The following ATP2B4 variants were observed in gnomAD, a reference collection of about 807,000 sequenced individuals.
ATP2B4 encodes plasma membrane calcium-transporting ATPase 4.
A neutral mutation model predicts 110.3 loss-of-function variants in ATP2B4; 39 were observed. The ratio of observed to expected loss-of-function variants is 0.35; its 90% CI spans 0.27 to 0.46. ATP2B4 has a LOEUF of 0.46. Among genes scored for constraint, ATP2B4 ranks in the 20% least tolerant of loss-of-function variants. The pLI is 1.00. For synonymous variants in ATP2B4, 538 were observed against 571.7 expected, an observed-to-expected ratio of 0.94 and a Z score of 0.84; for missense variants, 1,135 against 1,530.9, an observed-to-expected ratio of 0.74 and a Z score of 4.32.
chr1:203,638,282 G>A (rs1663520035), intron 1 of ATP2B4, among the ~76,000 whole-genome samples: 1 of 152,178 alleles, frequency 6.6e-6, no homozygotes. Context: ...CGGTACTGTG[G>A]GCAGGATGGC....
intron 13 of ATP2B4, 100 bp downstream of exon 13, chr1:203,712,239 T>C (rs11586614): frequency 4.1e-4 from 553 of 1,357,610 alleles, no homozygotes; most frequent in Middle Eastern, 5.3e-4. Context: ...GGGTGGTTTC[T>C]AAAGTGAAAG....
rs142532622 is a variant in ATP2B4 at position 203,658,959 on chromosome 1, G to A, written c.-464-23783G>A. ...GTGGAGGTTGCAGTGAGCCGAGATCGCGCCACTGCACTCCAGCCTGGGTGA... is the reference window on the plus strand; with the variant it reads ...GTGGAGGTTGCAGTGAGCCGAGATCACGCCACTGCACTCCAGCCTGGGTGA... On this transcript the variant is annotated intron_variant, in intron 1 of 20. Coordinates refer to ENST00000357681, the MANE Select transcript of ATP2B4 (RefSeq NM_001684.5). Among the ~76,000 whole-genome samples, 1,301 of 151,922 alleles carry A rather than the reference G, an allele frequency of 8.6e-3. 16 individuals carry two copies. The highest frequency in any genetic ancestry group is 0.026 in the African/African-American group (1,093 of 41,446).
intron 9 of ATP2B4, 38 bp from the exon 10 acceptor site, chr1:203,707,824 T>C (rs1665893760): frequency 1.2e-6 from 2 of 1,608,408 alleles, no homozygotes; most frequent in African/African-American, 1.3e-5. Flanking sequence ...AGAGTCCAGT[T>C]AGTCCCCCTC....
In ATP2B4 at chr1:203,707,325, A is replaced by G; in HGVS notation, c.1314+102A>G. On this transcript the variant is annotated intron_variant, in intron 9 of 20. Coordinates refer to ENST00000357681, the MANE Select transcript of ATP2B4 (RefSeq NM_001684.5). Reference sequence around the variant, plus strand: ...AGATAAGCCATTCTATCATCTATAAACTTTGGCTGGTGCCTCACAAGAGCA... The same window carrying G: ...AGATAAGCCATTCTATCATCTATAAGCTTTGGCTGGTGCCTCACAAGAGCA... The G allele has an allele frequency of 1.2e-5, 14 of 1,213,980 alleles. No individual in the cohort carries two copies. The South Asian group carries it at 2.2e-4, about 19-fold the overall frequency. The allele number at this position is 1,213,980 out of a possible 1,614,324, so 75.2% of individuals were successfully genotyped here.
At chr1:203,734,525 G>T (rs926167992) in intron 20 of ATP2B4, among the ~76,000 whole-genome samples, 2 of 151,994 alleles carry the variant, frequency 1.3e-5, no homozygotes, top group South Asian at 2.1e-4. Flanking sequence ...TGGCCAACAT[G>T]GCGAAACCCT....
intron 16 of ATP2B4, 57 bp downstream of exon 16, chr1:203,720,797 T>C: frequency 6.5e-7 from 1 of 1,546,670 alleles, no homozygotes. Context: ...CTAAGGAACA[T>C]GGAGTGAAGA....
intron 1 of ATP2B4, among the ~76,000 whole-genome samples, chr1:203,676,670 A>G (rs1220706797): frequency 6.6e-6 from 1 of 152,184 alleles, no homozygotes; most frequent in Non-Finnish European, 1.5e-5. Flanking sequence ...CTTCTCCCAG[A>G]TCACCAGGGG....
At chr1:203,707,805 A>C in intron 9 of ATP2B4, 57 bp from the exon 10 acceptor site, 1 of 1,595,686 alleles carries the variant, frequency 6.3e-7, no homozygotes, top group Non-Finnish European at 8.6e-7. Flanking sequence ...CCTTTGACCT[A>C]GATTTAGGAG....
intron 1 of ATP2B4, among the ~76,000 whole-genome samples, chr1:203,673,829 G>A (rs1446045755): frequency 6.6e-6 from 1 of 152,140 alleles, no homozygotes; most frequent in Non-Finnish European, 1.5e-5. Context: ...CCCTTGTCCT[G>A]AGGACTCCAC....
intron 1 of ATP2B4, chr1:203,657,785 A>C (rs887644678): frequency 1.8e-5 from 11 of 621,602 alleles, no homozygotes; most frequent in East Asian, 1.7e-4. Context: ...AACCACCAGG[A>C]GTAGCCCCTG....
At chr1:203,641,473 A>G (rs186002469) in intron 1 of ATP2B4, among the ~76,000 whole-genome samples, 7 of 151,742 alleles carry the variant, frequency 4.6e-5, no homozygotes, top group South Asian at 2.1e-4. Context: ...ACCACACCAG[A>G]CTCTCTCTAG....
chr1:203,667,872 C>T (rs557978671), intron 1 of ATP2B4, among the ~76,000 whole-genome samples: 1 of 152,322 alleles, frequency 6.6e-6, no homozygotes, highest in African/African-American at 2.4e-5. Flanking sequence ...ACCCCCTCCC[C>T]ACCACACTGA....
chr1:203,667,908 A>T (rs1664554739), intron 1 of ATP2B4, among the ~76,000 whole-genome samples: 1 of 152,180 alleles, frequency 6.6e-6, no homozygotes, highest in Non-Finnish European at 1.5e-5. Context: ...GGTGATGAAG[A>T]TCTTGCTAAT....
At chr1:203,689,329 G>A (rs540902418) in intron 2 of ATP2B4, among the ~76,000 whole-genome samples, 3 of 152,312 alleles carry the variant, frequency 2.0e-5, no homozygotes, top group African/African-American at 7.2e-5. Flanking sequence ...TTTTTTCCCT[G>A]TAGAATTTTG....
chr1:203,690,473 G>A (rs1440192215), intron 2 of ATP2B4, among the ~76,000 whole-genome samples: 1 of 152,114 alleles, frequency 6.6e-6, no homozygotes, highest in Non-Finnish European at 1.5e-5. Flanking sequence ...CTTAGAGACC[G>A]CTGCTCTAAA....
intron 12 of ATP2B4, 134 bp from the exon 13 acceptor site, chr1:203,711,826 A>T: frequency 6.1e-6 from 6 of 977,652 alleles, no homozygotes; most frequent in Non-Finnish European, 9.2e-6. Context: ...AAATGACCAG[A>T]CCTAGCCCAT....
chr1:203,681,680 A>G (rs1271705010), intron 1 of ATP2B4, among the ~76,000 whole-genome samples: 2 of 152,064 alleles, frequency 1.3e-5, no homozygotes, highest in Non-Finnish European at 2.9e-5. Context: ...CACACCCCCT[A>G]GTTAGCATGC....
chr1:203,712,275 T>C (rs927273893), intron 13 of ATP2B4, 136 bp downstream of exon 13: 1 of 1,042,746 alleles, frequency 9.6e-7, no homozygotes, highest in African/African-American at 1.6e-5. Context: ...CATCTCCTTG[T>C]ACCAAACTGC....
rs183156496 is a variant in ATP2B4 at position 203,690,598 on chromosome 1, G to T, written c.193+7200G>T. Among the ~76,000 whole-genome samples the T allele has an allele frequency of 2.8e-4, 43 of 152,206 alleles. 1 individual carries two copies. The highest frequency in any genetic ancestry group is 2.6e-3 in the Admixed American group (40 of 15,284). ...GAGATTTTTCTTCCCTATCTTTAGA[G>T]CTTATAGTCTGTTCTGGAATATCAA... On this transcript the variant is annotated intron_variant, in intron 2 of 20. Coordinates refer to ENST00000357681, the MANE Select transcript of ATP2B4 (RefSeq NM_001684.5).
Sources: gnomAD v4.1 joint callset for allele counts (sites outside exome capture counted in the v4.1 genomes callset) on GRCh38, gnomAD v4.1.1 for gene constraint, MANE v1.5 for transcripts, NCBI Gene and HGNC (gene_info 2026-07-23, HGNC 2026-07-21) for gene names.